WWOX: variants seen among roughly 807,000 people sequenced by gnomAD.
WWOX encodes WW domain containing oxidoreductase, also known as WW domain-containing oxidoreductase.
A neutral mutation model predicts 46.2 loss-of-function variants in WWOX; 69 were observed. The observed-to-expected ratio is 1.49, with a 90% CI of 1.23 to 1.82. The LOEUF (loss-of-function observed/expected upper bound fraction) is 1.82. Ranked by LOEUF, WWOX falls within the 40% of genes most tolerant of loss-of-function variation. The pLI is 0.00. For synonymous variants in WWOX, 359 were observed against 202.6 expected, an observed-to-expected ratio of 1.77 and a Z score of -6.56; for missense variants, 919 against 542.6, an observed-to-expected ratio of 1.69 and a Z score of -6.89.
chr16:78,407,017 C>G (rs936774107), intron 6 of WWOX, among the ~76,000 whole-genome samples: 1 of 152,114 alleles, frequency 6.6e-6, no homozygotes, highest in Non-Finnish European at 1.5e-5. Context: ...CAGCTGTGGC[C>G]TTGGTGGATT....
At position 78,347,603 on chromosome 16, in the gene WWOX, G is replaced by A. The variant is rs2081116012; in HGVS notation, c.517-39257G>A. On this transcript the variant is annotated intron_variant, in intron 5 of 8. Coordinates refer to ENST00000566780, the MANE Select transcript of WWOX (RefSeq NM_016373.4). ...CCAAGGAGATACTTGATAAATATTC[G>A]TCTAATAAATAAATGAACTTGTGTT... Among the ~76,000 whole-genome samples the A allele has an allele frequency of 1.7e-5, 2 of 120,338 alleles. 1 individual carries two copies. The highest frequency in any genetic ancestry group is 4.0e-5 in the Non-Finnish European group (2 of 50,546). The allele number at this position is 120,338 out of a possible 152,430, so 78.9% of individuals were successfully genotyped here.
intron 8 of WWOX, among the ~76,000 whole-genome samples, chr16:78,467,746 T>G (rs1384435486): frequency 6.6e-6 from 1 of 152,222 alleles, no homozygotes. Flanking sequence ...TTAGTGCTGA[T>G]AAAAGCTTGA....
intron 5 of WWOX, among the ~76,000 whole-genome samples, chr16:78,284,927 A>G (rs1175766710): frequency 6.6e-6 from 1 of 152,224 alleles, no homozygotes; most frequent in African/African-American, 2.4e-5. Context: ...ATATTTAACA[A>G]CTAGCAAAAT....
intron 8 of WWOX, among the ~76,000 whole-genome samples, chr16:78,992,342 C>T (rs1289324438): frequency 2.0e-5 from 3 of 152,004 alleles, no homozygotes; most frequent in Non-Finnish European, 4.4e-5. Flanking sequence ...TGGTGGGTGC[C>T]TGCAATCCCA....
At chr16:78,229,490 A>G (rs1331126763) in intron 5 of WWOX, among the ~76,000 whole-genome samples, 1 of 135,514 alleles carries the variant, frequency 7.4e-6, no homozygotes, top group Non-Finnish European at 1.5e-5. Flanking sequence ...ATATCTGTAT[A>G]TATATTTATC....
At chr16:78,239,764 A>G (rs911317133) in intron 5 of WWOX, among the ~76,000 whole-genome samples, 1 of 151,878 alleles carries the variant, frequency 6.6e-6, no homozygotes, top group Non-Finnish European at 1.5e-5. Flanking sequence ...CGAACTCCTG[A>G]CCTCAGGTGA....
intron 5 of WWOX, among the ~76,000 whole-genome samples, chr16:78,268,318 A>G (rs1193455727): frequency 6.6e-6 from 1 of 152,198 alleles, no homozygotes; most frequent in Non-Finnish European, 1.5e-5. Context: ...ATTCCTTAAT[A>G]ATCAGATCTC....
chr16:78,323,318 G>C (rs1434984253), intron 5 of WWOX, among the ~76,000 whole-genome samples: 1 of 152,088 alleles, frequency 6.6e-6, no homozygotes, highest in Non-Finnish European at 1.5e-5. Flanking sequence ...TGTTAGCCAG[G>C]ATGGTCTCGA....
chr16:78,397,707 G>C (rs574646426), intron 6 of WWOX, among the ~76,000 whole-genome samples: 1 of 152,340 alleles, frequency 6.6e-6, no homozygotes, highest in Non-Finnish European at 1.5e-5. Flanking sequence ...TCAGTTCAAG[G>C]TTGGAGGAGA....
chr16:78,514,027 A>G (rs776380572), intron 8 of WWOX, among the ~76,000 whole-genome samples: 5 of 151,908 alleles, frequency 3.3e-5, no homozygotes, highest in East Asian at 1.9e-4. Context: ...GTATGTCACA[A>G]TTTTCTTTAT....
At chr16:78,913,012 G>T (rs541081225) in intron 8 of WWOX, among the ~76,000 whole-genome samples, 1 of 152,008 alleles carries the variant, frequency 6.6e-6, no homozygotes, top group Non-Finnish European at 1.5e-5. Flanking sequence ...TCCATCTCTC[G>T]AGTTGTCTCA....
At chr16:78,265,891 C>G (rs190630666) in intron 5 of WWOX, 1 of 152,086 alleles carries the variant, frequency 6.6e-6, no homozygotes, top group Non-Finnish European at 1.5e-5. Context: ...GCCTAATATA[C>G]ATCCAGTTTC....
chr16:78,186,987 C>G (rs1461476494), intron 5 of WWOX, among the ~76,000 whole-genome samples: 1 of 152,090 alleles, frequency 6.6e-6, no homozygotes, highest in Non-Finnish European at 1.5e-5. Context: ...TTTGCATGTA[C>G]TCATTTGTGT....
chr16:78,805,252 T>C (rs543476770), intron 8 of WWOX, among the ~76,000 whole-genome samples: 2 of 152,088 alleles, frequency 1.3e-5, no homozygotes, highest in Non-Finnish European at 2.9e-5. Flanking sequence ...CAAAACAGCA[T>C]ATATATGTAT....
intron 8 of WWOX, among the ~76,000 whole-genome samples, chr16:79,183,967 CT>C: frequency 6.6e-6 from 1 of 152,312 alleles, no homozygotes; most frequent in Middle Eastern, 3.4e-3. Flanking sequence ...TCGTGCTTGC[CT>C]TTGCCCTTGT....
intron 8 of WWOX, among the ~76,000 whole-genome samples, chr16:78,673,111 G>T (rs190526152): frequency 1.1e-4 from 17 of 152,338 alleles, no homozygotes; most frequent in Admixed American, 9.1e-4. Flanking sequence ...TACGCTGAAG[G>T]TCAACGTGCA....
chr16:78,364,850 C>T (rs2081498049), intron 5 of WWOX, among the ~76,000 whole-genome samples: 2 of 152,122 alleles, frequency 1.3e-5, no homozygotes, highest in African/African-American at 4.8e-5. Flanking sequence ...GTGCTTTTTC[C>T]TACATGCAGT....
chr16:78,861,278 A>G (rs1015827441), intron 8 of WWOX, among the ~76,000 whole-genome samples: 2 of 152,206 alleles, frequency 1.3e-5, no homozygotes, highest in Non-Finnish European at 2.9e-5. Context: ...CTGGGACGTA[A>G]GTCTTCTCCC....
intron 5 of WWOX, among the ~76,000 whole-genome samples, chr16:78,345,066 C>G (rs1218041924): frequency 8.4e-6 from 1 of 119,040 alleles, no homozygotes; most frequent in African/African-American, 2.9e-5. Flanking sequence ...CCTAAAGTAC[C>G]TAGGAGATTG....
Sources: allele counts gnomAD v4.1 joint callset (sites outside exome capture counted in the v4.1 genomes callset), GRCh38; gene constraint gnomAD v4.1.1; transcripts MANE v1.5; gene names NCBI Gene and HGNC (gene_info 2026-07-23, HGNC 2026-07-21).